Variants in RASA2 observed in about 807,000 individuals in gnomAD.
RASA2 encodes ras GTPase-activating protein 2.
Under a neutral mutation model 118.2 loss-of-function variants are expected in RASA2, and 155 were observed. The observed-to-expected ratio is 1.31, with a 90% confidence interval of 1.15 to 1.50. The LOEUF (loss-of-function observed/expected upper bound fraction) is 1.50. Among genes scored for constraint, RASA2 ranks in the 40% most tolerant of loss-of-function variants. RASA2 has a pLI of 0.00. For synonymous variants in RASA2, 353 were observed against 349.1 expected (o/e 1.01, Z -0.12); for missense variants, 1,016 against 1,009.6 (o/e 1.01, Z -0.09).
At chr3:141,546,615 C>T (rs2082489821) in intron 5 of RASA2, among the ~76,000 whole-genome samples, 1 of 152,204 alleles carries the variant, frequency 6.6e-6, no homozygotes, top group Admixed American at 6.5e-5. Flanking sequence ...GGTTAGTTAG[C>T]AAATATTCTC....
chr3:141,493,987 C>CA (rs2081668655), intron 1 of RASA2, among the ~76,000 whole-genome samples: 1 of 152,148 alleles, frequency 6.6e-6, no homozygotes, highest in Non-Finnish European at 1.5e-5. Flanking sequence ...TTTTCACATT[C>CA]ACATAAAGAG....
chr3:141,556,732 C>T (rs1004243072), intron 7 of RASA2, among the ~76,000 whole-genome samples: 2 of 150,090 alleles, frequency 1.3e-5, no homozygotes, highest in Non-Finnish European at 1.5e-5. Flanking sequence ...AAAGGAGTTA[C>T]ATTTTGTGCC....
chr3:141,512,038 AC>A (rs1054471155), intron 1 of RASA2, 124 bp from the exon 2 acceptor site: 10 of 650,022 alleles, frequency 1.5e-5, no homozygotes, highest in Non-Finnish European at 2.6e-5. Context: ...TTCTGTAATC[AC>A]TAGTGTTTTT....
intron 1 of RASA2, among the ~76,000 whole-genome samples, chr3:141,510,050 G>T (rs2081928794): frequency 6.6e-6 from 1 of 152,096 alleles, no homozygotes; most frequent in African/African-American, 2.4e-5. Context: ...TAAATAATGT[G>T]TTTACTGAGT....
chr3:141,589,231 C>A (rs1320996477), intron 19 of RASA2, among the ~76,000 whole-genome samples: 1 of 152,136 alleles, frequency 6.6e-6, no homozygotes, highest in Admixed American at 6.5e-5. Flanking sequence ...ATGCATAGCA[C>A]TGGGTGCTAA....
At chr3:141,513,740 G>A (rs1022223236) in intron 2 of RASA2, among the ~76,000 whole-genome samples, 1 of 152,146 alleles carries the variant, frequency 6.6e-6, no homozygotes, top group African/African-American at 2.4e-5. Context: ...TTCTAGACAA[G>A]ATCAGATATG....
rs567830023 is a variant in RASA2, at chr3:141,537,238, G to A, written c.451-3295G>A. 4.0e-5 allele frequency among the ~76,000 whole-genome samples: 6 copies of A among 151,282 alleles called. No homozygotes were observed. The East Asian group carries it at 5.8e-4, about 15-fold the overall frequency. On this transcript the variant is annotated intron_variant, in intron 4 of 23. Transcript: ENST00000286364. The stretch of plus-strand genomic sequence containing the variant: ...TGTGACTCCAGTTACATGAATAATA[G>A]GCCATTTCACCATGTCTCATATGTC...
At chr3:141,553,765 A>G (rs2082607189) in intron 5 of RASA2, 92 bp from the exon 6 acceptor site, 1 of 1,517,262 alleles carries the variant, frequency 6.6e-7, no homozygotes, top group South Asian at 1.3e-5. Context: ...ACAATTCTTA[A>G]CCTTTTGAAT....
Position 141,544,273 on chromosome 3 carries a change from A to G in RASA2, c.527+3664A>G, listed in dbSNP as rs370646234. On this transcript the variant is annotated intron_variant, in intron 5 of 23. Transcript: ENST00000286364. ...TTGGGGTTCGCTCAGCTTCTTGACTATGTATATTTATGTCTTTTGCCAGAT... is the reference window on the plus strand; with the variant it reads ...TTGGGGTTCGCTCAGCTTCTTGACTGTGTATATTTATGTCTTTTGCCAGAT... Among the ~76,000 whole-genome samples the G allele has an allele frequency of 8.1e-4, 123 of 152,236 alleles. 3 individuals carry two copies. In the South Asian group the frequency reaches 0.023, roughly 29 times the overall value.
At chr3:141,608,287 C>A (rs1353638998) in intron 20 of RASA2, among the ~76,000 whole-genome samples, 1 of 152,100 alleles carries the variant, frequency 6.6e-6, no homozygotes, top group East Asian at 1.9e-4. Context: ...CTAAAACTTA[C>A]ATTCTTTTGT....
At chr3:141,601,450 AAG>A (rs2083462696) in intron 19 of RASA2, among the ~76,000 whole-genome samples, 1 of 50,108 alleles carries the variant, frequency 2.0e-5, no homozygotes, top group South Asian at 4.5e-4. Flanking sequence ...TCCAAAAAAA[AAG>A]AAAAAAAAAA....
chr3:141,612,429 G>T lies in RASA2; in HGVS notation c.*116G>T. ...ATGAGCATCCGCTTCAATGTCATCT[G>T]CCTCCACATTGTATTTAATATTTAA... is the stretch of plus-strand genomic sequence containing the variant. On this transcript the variant is annotated 3_prime_UTR_variant, in exon 24 of 24. Transcript: ENST00000286364. 2 of 747,670 alleles carry T rather than the reference G, an allele frequency of 2.7e-6. No individual in the cohort carries two copies. The highest frequency in any genetic ancestry group is 2.8e-5 in the East Asian group (1 of 35,470). The allele number at this position is 747,670 out of a possible 1,614,324, so 46.3% of individuals were successfully genotyped here.
chr3:141,513,861 C>T (rs1354961389), intron 2 of RASA2, among the ~76,000 whole-genome samples: 1 of 152,156 alleles, frequency 6.6e-6, no homozygotes, highest in Non-Finnish European at 1.5e-5. Flanking sequence ...GTTCTTTAAA[C>T]TTTCTCAGGA....
chr3:141,517,387 G>C (rs2082042460), intron 3 of RASA2, among the ~76,000 whole-genome samples: 1 of 152,158 alleles, frequency 6.6e-6, no homozygotes, highest in South Asian at 2.1e-4. Context: ...CTTCTGGAAG[G>C]CCTCAGGAAA....
At chr3:141,568,207 A>G (rs2082853266) in intron 9 of RASA2, among the ~76,000 whole-genome samples, 1 of 152,204 alleles carries the variant, frequency 6.6e-6, no homozygotes, top group Non-Finnish European at 1.5e-5. Context: ...CCCGTTAAAA[A>G]GAACAAACTG....
chr3:141,573,174 A>G lies in RASA2; in HGVS notation c.1312A>G (p.Ile438Val). Residue 438 changes from isoleucine to valine, a missense_variant, in exon 13 of 24, where the codon ATC becomes GTC. Physicochemically the swap from Ile to Val is conservative, Grantham distance 29. This residue lies in a region of RASA2 where 896 missense variants were observed against 836.4 expected (regional missense o/e 1.07). Transcript: ENST00000286364. ...ATGTGACTCCTCAAAATCCTGTGAA[A>G]TCGATCCTATTAAATTGAAAGAGGG... ...EICDSSKSCE[I>V]DPIKLKEGDN... 1 of 1,544,622 alleles carries G rather than the reference A, an allele frequency of 6.5e-7. No individual in the cohort carries two copies. The highest frequency in any genetic ancestry group is 1.2e-5 in the South Asian group (1 of 80,350).
At chr3:141,516,741 G>C (rs1008487535) in intron 3 of RASA2, among the ~76,000 whole-genome samples, 1 of 150,144 alleles carries the variant, frequency 6.7e-6, no homozygotes, top group Non-Finnish European at 1.5e-5. Context: ...AGGTTCTCTA[G>C]TTAAATGTGA....
chr3:141,546,441 T>G (rs1235354816), intron 5 of RASA2, among the ~76,000 whole-genome samples: 1 of 152,232 alleles, frequency 6.6e-6, no homozygotes, highest in Non-Finnish European at 1.5e-5. Flanking sequence ...TGATGATCAG[T>G]GATGTTGAGC....
intron 6 of RASA2, among the ~76,000 whole-genome samples, chr3:141,555,077 C>T (rs2082628776): frequency 6.6e-6 from 1 of 152,042 alleles, no homozygotes; most frequent in South Asian, 2.1e-4. Flanking sequence ...GCCTGACCAA[C>T]AAGGAGAAAC....
Sources: gnomAD v4.1 joint callset for allele counts (sites outside exome capture counted in the v4.1 genomes callset) on GRCh38, gnomAD v4.1.1 for gene constraint, gnomAD v4.1.1 regional missense constraint, MANE v1.5 for transcripts, NCBI Gene and HGNC (gene_info 2026-07-23, HGNC 2026-07-21) for gene names.